SRPK2: variants seen among roughly 807,000 people sequenced by gnomAD.
SRPK2 encodes SFRS protein kinase 2.
In SRPK2, 21 loss-of-function variants were observed where a neutral mutation model predicts 90.8. That is an observed-to-expected ratio of 0.23 (90% confidence interval 0.16 to 0.33). The LOEUF is 0.33. Ranked by LOEUF, SRPK2 falls within the 10% of genes least tolerant of loss-of-function variation. The probability of loss-of-function intolerance (pLI) is 1.00; values close to 1 mark genes in which losing one functional copy is unlikely to be tolerated. For synonymous variants in SRPK2, 288 were observed against 311.1 expected (o/e 0.93, Z 0.78); for missense variants, 620 against 869.0 (o/e 0.71, Z 3.60).
intron 2 of SRPK2, among the ~76,000 whole-genome samples, chr7:105,279,757 T>C (rs1293554110): frequency 2.6e-5 from 4 of 152,234 alleles, no homozygotes; most frequent in South Asian, 4.1e-4. Context: ...GGTTTCTCAC[T>C]ATGACAAAGT....
chr7:105,325,186 A>G (rs1813418442), intron 2 of SRPK2, among the ~76,000 whole-genome samples: 1 of 152,194 alleles, frequency 6.6e-6, no homozygotes, highest in African/African-American at 2.4e-5. Context: ...AATCAAAGAA[A>G]GCATTTTACC....
chr7:105,160,625 T>C lies in SRPK2; in HGVS notation c.515-12A>G, dbSNP rs1309706386. On this transcript the variant is annotated splice_polypyrimidine_tract_variant and intron_variant, in intron 6 of 15. Coordinates refer to ENST00000393651, the MANE Select transcript of SRPK2 (RefSeq NM_182692.3). ...GACCATGCAGACATCTGGGACACAG[T>C]TAAGGATCGTTTGTGGATGCACTGC... is the stretch of plus-strand genomic sequence containing the variant. 1.1e-5 allele frequency: 17 copies of C among 1,561,076 alleles called. No homozygotes were observed. Among genetic ancestry groups the C allele is most frequent in the Non-Finnish European group, 1.4e-5 (16 of 1,132,372 alleles).
At chr7:105,381,758 G>T (rs1231854665) in intron 2 of SRPK2, among the ~76,000 whole-genome samples, 1 of 152,180 alleles carries the variant, frequency 6.6e-6, no homozygotes, top group Non-Finnish European at 1.5e-5. Context: ...GGTAATCCAT[G>T]AGAAGTATTC....
At chr7:105,346,984 A>C (rs1348565782) in intron 2 of SRPK2, among the ~76,000 whole-genome samples, 1 of 152,106 alleles carries the variant, frequency 6.6e-6, no homozygotes. Context: ...ATGAAGAAAT[A>C]AAATATTGCA....
intron 2 of SRPK2, among the ~76,000 whole-genome samples, chr7:105,322,506 T>C (rs1813051559): frequency 6.6e-6 from 1 of 152,126 alleles, no homozygotes; most frequent in Admixed American, 6.5e-5. Flanking sequence ...TATAATTGCA[T>C]TTACATGAAA....
At chr7:105,352,478 C>T (rs1817309178) in intron 2 of SRPK2, among the ~76,000 whole-genome samples, 1 of 152,252 alleles carries the variant, frequency 6.6e-6, no homozygotes, top group Non-Finnish European at 1.5e-5. Flanking sequence ...TTCAAAATGA[C>T]TGCAACCCTG....
intron 2 of SRPK2, among the ~76,000 whole-genome samples, chr7:105,365,419 G>T (rs1179429146): frequency 6.8e-6 from 1 of 148,126 alleles, no homozygotes; most frequent in Non-Finnish European, 1.5e-5. Flanking sequence ...CCAGGAGGCG[G>T]AGATTGCAGT....
chr7:105,118,154 C>G, intron 15 of SRPK2, 132 bp from the exon 16 acceptor site: 1 of 811,532 alleles, frequency 1.2e-6, no homozygotes, highest in East Asian at 2.7e-5. Context: ...ACAAAGAACA[C>G]CAGCTTTTCC....
chr7:105,183,496 T>C (rs796782079), intron 3 of SRPK2, among the ~76,000 whole-genome samples: 23 of 152,296 alleles, frequency 1.5e-4, no homozygotes, highest in African/African-American at 5.5e-4. Flanking sequence ...TGTCTATTTT[T>C]GTTTTTTTGA....
chr7:105,262,731 T>C (rs1446511858), intron 2 of SRPK2, among the ~76,000 whole-genome samples: 3 of 152,092 alleles, frequency 2.0e-5, no homozygotes, highest in Admixed American at 6.5e-5. Flanking sequence ...TGTTCAGAAA[T>C]AGTCCAGTTT....
intron 2 of SRPK2, among the ~76,000 whole-genome samples, chr7:105,265,870 A>T (rs79502336): frequency 0.012 from 1,732 of 149,400 alleles, 14 homozygotes; most frequent in Non-Finnish European, 0.018. Context: ...CATTTTTTTT[A>T]AAAAATTCAT....
intron 2 of SRPK2, among the ~76,000 whole-genome samples, chr7:105,243,630 C>CA (rs767760238): frequency 0.094 from 5,150 of 54,982 alleles, 182 homozygotes; most frequent in Non-Finnish European, 0.11. Flanking sequence ...GACTCCATCT[C>CA]AAAAAAAAAA....
At chr7:105,201,695 G>A (rs1795580833) in intron 3 of SRPK2, among the ~76,000 whole-genome samples, 1 of 151,838 alleles carries the variant, frequency 6.6e-6, no homozygotes, top group Non-Finnish European at 1.5e-5. Flanking sequence ...AGTTCCAACT[G>A]CTCAGGAGGC....
At chr7:105,194,863 C>T (rs1028435611) in intron 3 of SRPK2, among the ~76,000 whole-genome samples, 8 of 152,046 alleles carry the variant, frequency 5.3e-5, no homozygotes, top group African/African-American at 1.7e-4. Context: ...ATGGAGTCCA[C>T]AAACAAACCC....
intron 6 of SRPK2, among the ~76,000 whole-genome samples, chr7:105,165,668 C>T (rs1317186986): frequency 6.6e-6 from 1 of 152,176 alleles, no homozygotes; most frequent in African/African-American, 2.4e-5. Context: ...GTAAATGCAC[C>T]AATCAGCACT....
chr7:105,359,257 C>T (rs1818161152), intron 2 of SRPK2, among the ~76,000 whole-genome samples: 1 of 144,060 alleles, frequency 6.9e-6, no homozygotes, highest in African/African-American at 2.6e-5. Context: ...CTCCCGGGTT[C>T]AAGCAATTCA....
chr7:105,167,650 G>A (rs945039073), intron 5 of SRPK2, among the ~76,000 whole-genome samples, 186 bp from the exon 6 acceptor site: 2 of 151,432 alleles, frequency 1.3e-5, no homozygotes, highest in African/African-American at 2.4e-5. Flanking sequence ...TTGCTCTATC[G>A]CCCAGTCTGG....
intron 3 of SRPK2, among the ~76,000 whole-genome samples, chr7:105,194,916 T>C (rs1485991976): frequency 2.0e-5 from 3 of 152,050 alleles, no homozygotes; most frequent in Non-Finnish European, 2.9e-5. Context: ...AGCAACTGAA[T>C]AGGTGGGGGA....
intron 7 of SRPK2, among the ~76,000 whole-genome samples, chr7:105,149,065 G>A (rs569020149): frequency 4.6e-5 from 7 of 152,256 alleles, no homozygotes; most frequent in Admixed American, 3.9e-4. Flanking sequence ...AGACCTGACC[G>A]TCCCCCAGCC....
Sources: allele counts gnomAD v4.1 joint callset (sites outside exome capture counted in the v4.1 genomes callset), GRCh38; gene constraint gnomAD v4.1.1; transcripts MANE v1.5; gene names NCBI Gene and HGNC (gene_info 2026-07-23, HGNC 2026-07-21).